The following CPM variants were observed in gnomAD, a reference collection of about 807,000 sequenced individuals.
CPM encodes carboxypeptidase M.
Under a neutral mutation model 46.4 loss-of-function variants are expected in CPM, and 35 were observed. That is an observed-to-expected ratio of 0.75 (90% CI 0.58 to 1.00). CPM has a LOEUF of 1.00. Ranked by LOEUF, CPM falls within the 50% of genes least tolerant of loss-of-function variation. CPM has a pLI of 0.00. For synonymous variants in CPM, 195 were observed against 195.3 expected (o/e 1.00, Z 0.01); for missense variants, 422 against 530.4 (o/e 0.80, Z 2.01).
chr12:68,878,160 T>C (rs914393213), intron 3 of CPM, among the ~76,000 whole-genome samples: 2 of 152,240 alleles, frequency 1.3e-5, no homozygotes, highest in African/African-American at 4.8e-5. Flanking sequence ...GAGAAAATTA[T>C]GGCAATGAAA....
chr12:68,951,564 G>C (rs568115549), intron 1 of CPM, among the ~76,000 whole-genome samples: 8 of 152,292 alleles, frequency 5.3e-5, no homozygotes, highest in African/African-American at 1.9e-4. Context: ...TTTAGGAAGA[G>C]GGTATTATGT....
rs148620255 is a variant in CPM at position 68,854,122 on chromosome 12, G to C, written c.*2315C>G. 5.3e-4 allele frequency: 80 copies of C among 152,188 alleles called. No homozygotes were observed. The highest frequency in any genetic ancestry group is 1.8e-3 in the African/African-American group (75 of 41,448). The allele number at this position is 152,188 out of a possible 1,614,324, so 9.4% of individuals were successfully genotyped here. A position where few individuals can be genotyped will look rare whatever the true frequency, so the allele number is the denominator to read the frequency against. Reference sequence around the variant, plus strand: ...CAATTCAAGGTTCAGTAAAAGGAATGTATCTGGAATTCTTGATTATAGACA... The same window carrying C: ...CAATTCAAGGTTCAGTAAAAGGAATCTATCTGGAATTCTTGATTATAGACA... On this transcript the variant is annotated 3_prime_UTR_variant, in exon 9 of 9. Transcript: ENST00000551568.
chr12:68,959,543 A>T (rs1158199974), intron 1 of CPM, among the ~76,000 whole-genome samples: 1 of 152,248 alleles, frequency 6.6e-6, no homozygotes, highest in African/African-American at 2.4e-5. Flanking sequence ...AAGGACAAAT[A>T]CATTATAATG....
chr12:68,858,271 A>G (rs538720005), intron 8 of CPM, among the ~76,000 whole-genome samples: 1 of 152,318 alleles, frequency 6.6e-6, no homozygotes, highest in South Asian at 2.1e-4. Flanking sequence ...TCAAAGAGAA[A>G]GAGGCAAAAT....
intron 3 of CPM, among the ~76,000 whole-genome samples, chr12:68,885,146 T>C (rs1037466057): frequency 1.3e-5 from 2 of 152,148 alleles, no homozygotes; most frequent in East Asian, 1.9e-4. Flanking sequence ...GGTTTCACCA[T>C]GTTGGCCAGG....
chr12:68,933,044 A>C (rs1592709111), intron 1 of CPM, 98 bp downstream of exon 1: 2 of 491,536 alleles, frequency 4.1e-6, no homozygotes, highest in Non-Finnish European at 7.2e-6. Flanking sequence ...GGTGCCCTCG[A>C]CCCAGCCGCC....
rs1555192734 is a variant in CPM at position 68,862,002 on chromosome 12, G to GACCCTAAGAGACGCAGAGAGAGCC, written c.941-2932_941-2931insGGCTCTCTCTGCGTCTCTTAGGGT. 2.4e-3 allele frequency among the ~76,000 whole-genome samples: 327 copies of GACCCTAAGAGACGCAGAGAGAGCC among 134,686 alleles called. 17 individuals are homozygous for GACCCTAAGAGACGCAGAGAGAGCC. Among genetic ancestry groups the GACCCTAAGAGACGCAGAGAGAGCC allele is most frequent in the Middle Eastern group, 4.0e-3 (1 of 252 alleles). The allele number at this position is 134,686 out of a possible 152,430, so 88.4% of individuals were successfully genotyped here. ...GGCTAGAAGCAGTTACACTTTAATAGAACAGATTTGACTTTTTTGACAGTC... is the reference window on the plus strand; with the variant it reads ...GGCTAGAAGCAGTTACACTTTAATAGACCCTAAGAGACGCAGAGAGAGCCAACAGATTTGACTTTTTTGACAGTC... On this transcript the variant is annotated intron_variant, in intron 7 of 8. Coordinates refer to ENST00000551568, the MANE Select transcript of CPM (RefSeq NM_198320.5).
At chr12:68,872,134 C>A (rs375573711) in intron 3 of CPM, among the ~76,000 whole-genome samples, 178 bp from the exon 4 acceptor site, 2 of 152,014 alleles carry the variant, frequency 1.3e-5, no homozygotes, top group African/African-American at 4.8e-5. Context: ...CATCAGGTGG[C>A]GATCAGTCCT....
At chr12:68,931,763 A>AAAAAAAGAAAGAAAGAAAG (rs1482981614) in intron 2 of CPM, among the ~76,000 whole-genome samples, 104 of 132,470 alleles carry the variant, frequency 7.9e-4, no homozygotes, top group African/African-American at 3.1e-3. Flanking sequence ...AAAAAAAAAA[A>AAAAAAAGAAAGAAAGAAAG]AAAGAAAGAA....
chr12:68,866,477 G>C (rs1208552638), intron 7 of CPM, among the ~76,000 whole-genome samples: 5 of 152,154 alleles, frequency 3.3e-5, no homozygotes, highest in Admixed American at 3.3e-4. Flanking sequence ...CCAAGTAACT[G>C]GGACTACAGG....
At chr12:68,892,202 C>T (rs1886684010) in intron 2 of CPM, among the ~76,000 whole-genome samples, 1 of 152,048 alleles carries the variant, frequency 6.6e-6, no homozygotes, top group Non-Finnish European at 1.5e-5. Context: ...AAATGGAAAA[C>T]ATCAAAGAAA....
chr12:68,895,574 C>T lies in CPM; in HGVS notation c.161-9685G>A, dbSNP rs183846275. The stretch of plus-strand genomic sequence containing the variant: ...AACCAACCCAAACCAAAATGACTTT[C>T]CCTCTAGTGAGTGTTCATTATACTT... On this transcript the variant is annotated intron_variant, in intron 2 of 8. Transcript: ENST00000551568. 2.1e-3 allele frequency among the ~76,000 whole-genome samples: 323 copies of T among 152,326 alleles called. 1 individual carries two copies. The highest frequency in any genetic ancestry group is 3.6e-3 in the Non-Finnish European group (244 of 68,038).
At chr12:68,886,061 G>A (rs967485524) in intron 2 of CPM, among the ~76,000 whole-genome samples, 172 bp from the exon 3 acceptor site, 14 of 152,060 alleles carry the variant, frequency 9.2e-5, no homozygotes, top group African/African-American at 1.9e-4. Context: ...ATCGTTTACC[G>A]TCAGAATTTA....
At chr12:68,859,282 G>A (rs544745701) in intron 7 of CPM, among the ~76,000 whole-genome samples, 12 of 152,196 alleles carry the variant, frequency 7.9e-5, no homozygotes, top group Non-Finnish European at 1.2e-4. Flanking sequence ...AAATTTGTTC[G>A]TTGTTGAATA....
intron 2 of CPM, among the ~76,000 whole-genome samples, chr12:68,902,861 T>C (rs1182466929): frequency 1.3e-5 from 2 of 152,192 alleles, no homozygotes; most frequent in East Asian, 3.8e-4. Context: ...ATGTTTACCT[T>C]TTTTAGAATA....
At chr12:68,927,513 T>C (rs1445441066) in intron 2 of CPM, among the ~76,000 whole-genome samples, 1 of 152,034 alleles carries the variant, frequency 6.6e-6, no homozygotes, top group African/African-American at 2.4e-5. Context: ...ATTTTGGAGG[T>C]TGCCTGTTCA....
intron 2 of CPM, among the ~76,000 whole-genome samples, chr12:68,897,666 A>G (rs1144955): frequency 0.23 from 34,436 of 149,706 alleles, 7,126 homozygotes; most frequent in African/African-American, 0.56. Context: ...GAACCCGGGA[A>G]GCAGAGGTTG....
At chr12:68,961,803 GA>G (rs1486496782) in intron 1 of CPM, among the ~76,000 whole-genome samples, 1 of 151,446 alleles carries the variant, frequency 6.6e-6, no homozygotes, top group African/African-American at 2.4e-5. Flanking sequence ...TGTGTAGGTT[GA>G]AAAGCCATCA....
chr12:68,916,128 T>C (rs1887794055), intron 2 of CPM, among the ~76,000 whole-genome samples: 1 of 152,194 alleles, frequency 6.6e-6, no homozygotes, highest in Non-Finnish European at 1.5e-5. Flanking sequence ...ATATAAGTGG[T>C]TGTAATTCAT....
Sources: gnomAD v4.1 joint callset for allele counts (sites outside exome capture counted in the v4.1 genomes callset) on GRCh38, gnomAD v4.1.1 for gene constraint, MANE v1.5 for transcripts, NCBI Gene and HGNC (gene_info 2026-07-23, HGNC 2026-07-21) for gene names.